Variants in RBBP5 observed in about 807,000 individuals in gnomAD.
The protein encoded by RBBP5 is retinoblastoma-binding protein 5.
In RBBP5, 5 loss-of-function variants were observed where a neutral mutation model predicts 72.2. That is an observed-to-expected ratio of 0.07 (90% CI 0.04 to 0.15). RBBP5 has a LOEUF of 0.15. RBBP5 is among the 10% of genes least tolerant of loss of function. The probability of loss-of-function intolerance (pLI) is 1.00; values close to 1 mark genes in which losing one functional copy is unlikely to be tolerated. For missense variants in RBBP5, 322 were observed against 652.2 expected, an observed-to-expected ratio of 0.49 and a Z score of 5.51; for synonymous variants, 209 against 237.2, an observed-to-expected ratio of 0.88 and a Z score of 1.09.
chr1:205,105,295 A>G (rs955354947), intron 3 of RBBP5, 127 bp from the exon 4 acceptor site: 4 of 1,089,168 alleles, frequency 3.7e-6, no homozygotes, highest in African/African-American at 1.6e-5. Flanking sequence ...GTTTTGTTCC[A>G]CGTATACTCA....
intron 3 of RBBP5, among the ~76,000 whole-genome samples, chr1:205,109,265 G>A (rs892948318): frequency 1.3e-5 from 2 of 152,112 alleles, no homozygotes; most frequent in African/African-American, 2.4e-5. Flanking sequence ...GTAAAAGGGT[G>A]GATGATGGGA....
chr1:205,089,146 C>T (rs1655240165), intron 13 of RBBP5, among the ~76,000 whole-genome samples: 1 of 152,112 alleles, frequency 6.6e-6, no homozygotes, highest in African/African-American at 2.4e-5. Context: ...CCAAAAAGTG[C>T]AATGAGGAGA....
chr1:205,105,263 G>A lies in RBBP5; in HGVS notation c.219-95C>T, dbSNP rs554994458. On this transcript the variant is annotated intron_variant, in intron 3 of 13. Coordinates refer to ENST00000264515, the MANE Select transcript of RBBP5 (RefSeq NM_005057.4). ...GTAAGTCACACACATTGCTGCAACT[G>A]CACAGGTCAACAATGTTTTTGGTTT... The A allele has an allele frequency of 7.6e-5, 105 of 1,386,160 alleles. No individual in the cohort carries two copies. In the South Asian group the frequency reaches 1.3e-3, roughly 17 times the overall value. 85.9% of individuals were successfully genotyped at this position (1,386,160 alleles called of 1,614,324 possible).
Position 205,108,318 on chromosome 1 carries a change from G to A in RBBP5, c.219-3150C>T, listed in dbSNP as rs574456384. On this transcript the variant is annotated intron_variant, in intron 3 of 13. Coordinates refer to ENST00000264515, the MANE Select transcript of RBBP5 (RefSeq NM_005057.4). ...ACACATTTTAACACTGTCTTATGTG[G>A]GTGTCAATGTATGTAGAGCAAATAT... 2.0e-5 allele frequency among the ~76,000 whole-genome samples: 3 copies of A among 152,252 alleles called. No individual in the cohort carries two copies. In the South Asian group the frequency reaches 6.2e-4, roughly 32 times the overall value.
At position 205,121,950 on chromosome 1, in the gene RBBP5, T is replaced by C. The variant is rs1656755003; in HGVS notation, c.-77A>G. 1 of 1,594,534 alleles carries C rather than the reference T, an allele frequency of 6.3e-7. No homozygotes were observed. The highest frequency in any genetic ancestry group is 8.5e-7 in the Non-Finnish European group (1 of 1,173,554). On this transcript the variant is annotated 5_prime_UTR_variant, in exon 1 of 14. Transcript: ENST00000264515. ...CCGGCCGGCTTCAGCAACTTGCGTC[T>C]AAGTGGTGGACGCCGCGAAGAGACT...
chr1:205,116,386 G>A (rs1224360280), intron 1 of RBBP5: 2 of 303,728 alleles, frequency 6.6e-6, no homozygotes, highest in African/African-American at 4.4e-5. Flanking sequence ...AAAACTCTCT[G>A]GGGACCCTCT....
chr1:205,113,789 A>G lies in RBBP5; in HGVS notation c.218+1000T>C, dbSNP rs574259697. On this transcript the variant is annotated intron_variant, in intron 3 of 13. Transcript: ENST00000264515. ...AACCTCTGCCTTCCAGGTTCAAGCG[A>G]TTCTCCTGCCTCAGCCTCCCAAGTA... is the stretch of plus-strand genomic sequence containing the variant. Among the ~76,000 whole-genome samples, 4 of 151,398 alleles carry G rather than the reference A, an allele frequency of 2.6e-5. No homozygotes were observed. In the South Asian group the frequency reaches 8.3e-4, roughly 32 times the overall value.
chr1:205,093,533 T>TACACACACACAC lies in RBBP5; in HGVS notation c.1588+1328_1588+1339dup, dbSNP rs372536310. Among the ~76,000 whole-genome samples the TACACACACACAC allele has an allele frequency of 5.5e-3, 27 of 4,876 alleles. 3 individuals are homozygous for TACACACACACAC. The highest frequency in any genetic ancestry group is 0.17 in the Middle Eastern group (1 of 6). 3.2% of individuals were successfully genotyped at this position (4,876 alleles called of 152,430 possible). A position where few individuals can be genotyped will look rare whatever the true frequency, so the allele number is the denominator to read the frequency against. ...ATATATATATATATATATATATATA[T>TACACACACACAC]ACACACACACACACACACACACACA... is the stretch of plus-strand genomic sequence containing the variant. On this transcript the variant is annotated intron_variant, in intron 13 of 13. Coordinates refer to ENST00000264515, the MANE Select transcript of RBBP5 (RefSeq NM_005057.4).
Position 205,116,059 on chromosome 1 carries a change from C to T in RBBP5, c.20-176G>A. 5 of 1,316,534 alleles carry T rather than the reference C, an allele frequency of 3.8e-6. No individual in the cohort carries two copies. The South Asian group carries it at 6.5e-5, about 17-fold the overall frequency. The allele number at this position is 1,316,534 out of a possible 1,614,324, so 81.6% of individuals were successfully genotyped here. A position where few individuals can be genotyped will look rare whatever the true frequency, so the allele number is the denominator to read the frequency against. On this transcript the variant is annotated intron_variant, in intron 1 of 13. Coordinates refer to ENST00000264515, the MANE Select transcript of RBBP5 (RefSeq NM_005057.4). The stretch of plus-strand genomic sequence containing the variant: ...ATCCTGCTAAGATGACTTGTTTACT[C>T]TCATTATCTCGGAAATATACAGATG...
intron 3 of RBBP5, among the ~76,000 whole-genome samples, chr1:205,112,299 C>T (rs1018412461): frequency 6.6e-6 from 1 of 152,060 alleles, no homozygotes; most frequent in African/African-American, 2.4e-5. Flanking sequence ...GCCTGGGCAA[C>T]AGAGCAAGAC....
At chr1:205,118,058 C>A (rs1656595734) in intron 1 of RBBP5, among the ~76,000 whole-genome samples, 1 of 151,978 alleles carries the variant, frequency 6.6e-6, no homozygotes, top group African/African-American at 2.4e-5. Flanking sequence ...GATCCACCCA[C>A]TCTGGCCTCC....
Position 205,097,320 on chromosome 1 carries a change from G to A in RBBP5, c.1166+6C>T. The A allele has an allele frequency of 6.4e-7, 1 of 1,551,546 alleles. No individual in the cohort carries two copies. Among genetic ancestry groups the A allele is most frequent in the Non-Finnish European group, 8.7e-7 (1 of 1,146,886 alleles). Reference sequence around the variant, plus strand: ...CCAAGGTGCCCAGCCTTCCGGGCCGGCTCACCTGCTACAGAAGGCAGCAAT... The same window carrying A: ...CCAAGGTGCCCAGCCTTCCGGGCCGACTCACCTGCTACAGAAGGCAGCAAT... On this transcript the variant is annotated splice_donor_region_variant and intron_variant, in intron 11 of 13. Coordinates refer to ENST00000264515, the MANE Select transcript of RBBP5 (RefSeq NM_005057.4).
intron 3 of RBBP5, among the ~76,000 whole-genome samples, chr1:205,110,270 T>C (rs1458020869): frequency 2.0e-5 from 3 of 152,146 alleles, no homozygotes; most frequent in African/African-American, 4.8e-5. Context: ...TTGGTGAGCC[T>C]CGGCCTCTGA....
chr1:205,104,992 A>C (rs73081248), intron 4 of RBBP5, 36 bp downstream of exon 4: 81,816 of 1,606,422 alleles, frequency 0.051, 4,509 homozygotes, highest in African/African-American at 0.24. Flanking sequence ...ATATAGAATT[A>C]GACCCCACCC....
intron 3 of RBBP5, among the ~76,000 whole-genome samples, chr1:205,113,012 C>A (rs780865879): frequency 1.4e-4 from 22 of 152,090 alleles, no homozygotes; most frequent in African/African-American, 5.3e-4. Flanking sequence ...GTAGACCTAG[C>A]TACGCGGGAG....
At chr1:205,098,122 G>A (rs1655687683) in intron 10 of RBBP5, among the ~76,000 whole-genome samples, 2 of 152,176 alleles carry the variant, frequency 1.3e-5, no homozygotes, top group African/African-American at 2.4e-5. Flanking sequence ...ATATCTTAGT[G>A]CTTATTATGG....
intron 13 of RBBP5, among the ~76,000 whole-genome samples, chr1:205,090,156 A>G (rs1028232169): frequency 6.6e-6 from 1 of 152,192 alleles, no homozygotes; most frequent in African/African-American, 2.4e-5. Flanking sequence ...GCCCAGCTAC[A>G]TTGATTTTTA....
At chr1:205,094,846 C>G (rs369605533) in intron 13 of RBBP5, 27 bp downstream of exon 13, 5 of 1,588,052 alleles carry the variant, frequency 3.1e-6, no homozygotes, top group African/African-American at 1.4e-5. Context: ...CGAAGCAAGC[C>G]AGACAATGCT....
intron 4 of RBBP5, 94 bp from the exon 5 acceptor site, chr1:205,104,113 C>T: frequency 7.6e-7 from 1 of 1,313,322 alleles, no homozygotes; most frequent in African/African-American, 1.5e-5. Context: ...ATACCCTCAT[C>T]AATTCTCCCA....
Sources: gnomAD v4.1 joint callset for allele counts (sites outside exome capture counted in the v4.1 genomes callset) on GRCh38, gnomAD v4.1.1 for gene constraint, MANE v1.5 for transcripts, NCBI Gene and HGNC (gene_info 2026-07-23, HGNC 2026-07-21) for gene names.